Variants in TRIO observed in about 807,000 individuals in gnomAD.
The protein encoded by TRIO is triple functional domain protein.
Under a neutral mutation model 351.9 loss-of-function variants are expected in TRIO, and 58 were observed. That is an observed-to-expected ratio of 0.16 (90% CI 0.13 to 0.21). The LOEUF (loss-of-function observed/expected upper bound fraction) is 0.21, where lower values mean the gene tolerates loss of function less well. TRIO is among the 10% of genes least tolerant of loss of function. TRIO has a pLI of 1.00. For missense variants in TRIO, 3,201 were observed against 4,027.8 expected (o/e 0.79, Z 5.56); for synonymous variants, 1,758 against 1,595.7 (o/e 1.10, Z -2.42).
At chr5:14,145,278 C>G (rs926977826) in intron 1 of TRIO, among the ~76,000 whole-genome samples, 1 of 152,162 alleles carries the variant, frequency 6.6e-6, no homozygotes, top group African/African-American at 2.4e-5. Flanking sequence ...CTGGTAGATA[C>G]CTGGTTTAGT....
At chr5:14,360,893 G>A (rs1744091662) in intron 13 of TRIO, among the ~76,000 whole-genome samples, 1 of 152,204 alleles carries the variant, frequency 6.6e-6, no homozygotes, top group Non-Finnish European at 1.5e-5. Flanking sequence ...GTGGCATGGT[G>A]AAACCTGTTC....
intron 48 of TRIO, among the ~76,000 whole-genome samples, chr5:14,489,687 G>A (rs187597899): frequency 9.9e-5 from 15 of 152,280 alleles, no homozygotes; most frequent in Non-Finnish European, 2.1e-4. Flanking sequence ...TCCAAGACAG[G>A]AGCCAATGCC....
At chr5:14,348,162 A>G (rs1742608970) in intron 11 of TRIO, among the ~76,000 whole-genome samples, 1 of 152,326 alleles carries the variant, frequency 6.6e-6, no homozygotes, top group South Asian at 2.1e-4. Flanking sequence ...TGCTTAATGA[A>G]TATCACATCA....
intron 48 of TRIO, 177 bp downstream of exon 48, chr5:14,488,437 A>C: frequency 2.4e-6 from 2 of 850,324 alleles, no homozygotes; most frequent in South Asian, 2.0e-5. Flanking sequence ...GCTACTAACT[A>C]CTCCTTGCTT....
At chr5:14,143,990 C>T (rs992801293) in intron 1 of TRIO, 108 bp downstream of exon 1, 1 of 848,206 alleles carries the variant, frequency 1.2e-6, no homozygotes, top group Non-Finnish European at 1.4e-6. Flanking sequence ...CCCGCCCGTC[C>T]GTCCGTCGGG....
intron 37 of TRIO, among the ~76,000 whole-genome samples, chr5:14,469,091 G>A (rs1355406676): frequency 6.6e-6 from 1 of 152,020 alleles, no homozygotes; most frequent in Non-Finnish European, 1.5e-5. Flanking sequence ...TATAAAGGGA[G>A]AAACAAGAAA....
At chr5:14,384,985 G>A (rs1223235759) in intron 21 of TRIO, among the ~76,000 whole-genome samples, 1 of 152,168 alleles carries the variant, frequency 6.6e-6, no homozygotes, top group Non-Finnish European at 1.5e-5. Flanking sequence ...GGAATAAATG[G>A]CCTTCACCAT....
intron 34 of TRIO, among the ~76,000 whole-genome samples, chr5:14,451,364 T>C (rs1488869058): frequency 6.6e-6 from 1 of 151,940 alleles, no homozygotes; most frequent in Non-Finnish European, 1.5e-5. Context: ...TCCAAAAGCA[T>C]GGAATTCAAA....
At chr5:14,144,853 GC>G (rs1213597649) in intron 1 of TRIO, among the ~76,000 whole-genome samples, 2 of 151,936 alleles carry the variant, frequency 1.3e-5, no homozygotes, top group Non-Finnish European at 2.9e-5. Flanking sequence ...GCGTCCCCGC[GC>G]CCAGTCCGGT....
chr5:14,173,745 A>G (rs150990110), intron 1 of TRIO, among the ~76,000 whole-genome samples: 93 of 152,334 alleles, frequency 6.1e-4, no homozygotes, highest in African/African-American at 2.2e-3. Flanking sequence ...TTAGGCTGAT[A>G]ATGTAATTTT....
At chr5:14,413,383 T>A (rs1749360850) in intron 33 of TRIO, among the ~76,000 whole-genome samples, 1 of 152,192 alleles carries the variant, frequency 6.6e-6, no homozygotes, top group Admixed American at 6.5e-5. Flanking sequence ...TGACCTAATA[T>A]TCAAAGGGTG....
At chr5:14,472,759 C>A in intron 39 of TRIO, 101 bp downstream of exon 39, 1 of 1,265,718 alleles carries the variant, frequency 7.9e-7, no homozygotes, top group Non-Finnish European at 1.1e-6. Flanking sequence ...GCTTTAAAAA[C>A]ATTTTTGACC....
intron 34 of TRIO, among the ~76,000 whole-genome samples, chr5:14,437,318 C>G (rs1356471836): frequency 6.6e-6 from 1 of 152,082 alleles, no homozygotes; most frequent in Non-Finnish European, 1.5e-5. Context: ...TTACAGTATA[C>G]AATCAAAAAG....
intron 33 of TRIO, among the ~76,000 whole-genome samples, chr5:14,409,850 AAAAG>A: frequency 6.6e-6 from 1 of 151,250 alleles, no homozygotes; most frequent in African/African-American, 2.4e-5. Context: ...AAAAAAAAAA[AAAAG>A]AAATCCCTGA....
chr5:14,388,783 T>A, intron 24 of TRIO, 104 bp downstream of exon 24: 1 of 1,307,496 alleles, frequency 7.6e-7, no homozygotes, highest in East Asian at 2.3e-5. Context: ...ATCACAATTT[T>A]TTTCTGTCAT....
intron 1 of TRIO, among the ~76,000 whole-genome samples, chr5:14,167,764 A>G (rs1321324021): frequency 2.0e-5 from 3 of 152,136 alleles, no homozygotes; most frequent in African/African-American, 7.2e-5. Flanking sequence ...GAAGAGGAGC[A>G]TGGTTCTGGG....
intron 5 of TRIO, 87 bp from the exon 6 acceptor site, chr5:14,292,925 C>T: frequency 6.3e-7 from 1 of 1,576,428 alleles, no homozygotes; most frequent in Non-Finnish European, 8.6e-7. Context: ...AGGAAGTTGC[C>T]CTTTCTTGGT....
intron 13 of TRIO, among the ~76,000 whole-genome samples, chr5:14,361,053 C>G (rs890885445): frequency 6.6e-6 from 1 of 152,140 alleles, no homozygotes; most frequent in African/African-American, 2.4e-5. Context: ...GCCTACTTTC[C>G]TCTCTGACTT....
At chr5:14,188,116 C>T (rs1466986621) in intron 1 of TRIO, among the ~76,000 whole-genome samples, 1 of 152,230 alleles carries the variant, frequency 6.6e-6, no homozygotes, top group East Asian at 1.9e-4. Flanking sequence ...TTTGTCACAT[C>T]TGCCAGTTTA....
Sources: gnomAD v4.1 joint callset for allele counts (sites outside exome capture counted in the v4.1 genomes callset) on GRCh38, gnomAD v4.1.1 for gene constraint, MANE v1.5 for transcripts, NCBI Gene and HGNC (gene_info 2026-07-23, HGNC 2026-07-21) for gene names.